Variants in LEKR1 observed in about 807,000 individuals in gnomAD.
LEKR1 encodes protein LEKR1.
A neutral mutation model predicts 72.4 loss-of-function variants in LEKR1; 59 were observed. The ratio of observed to expected loss-of-function variants is 0.82; its 90% CI spans 0.66 to 1.01. The LOEUF is 1.01. LEKR1 is among the 50% of genes least tolerant of loss of function. LEKR1 has a pLI of 0.00. For missense variants in LEKR1, 728 were observed against 759.2 expected (o/e 0.96, Z 0.48); for synonymous variants, 257 against 263.2 (o/e 0.98, Z 0.23).
chr3:156,999,854 A>G (rs111951925), intron 9 of LEKR1, among the ~76,000 whole-genome samples: 2 of 152,336 alleles, frequency 1.3e-5, no homozygotes, highest in African/African-American at 4.8e-5. Context: ...TGAGGACATT[A>G]ACGTTAATTT....
chr3:156,866,831 T>C lies in LEKR1; in HGVS notation c.263+13849T>C, dbSNP rs965392635. ...AAACTACTGGAAAAGAGAGACCGTA[T>C]TTTATATTTTTTGTATTCCCCTTCC... On this transcript the variant is annotated intron_variant, in intron 3 of 12. Transcript: ENST00000356539. Among the ~76,000 whole-genome samples the C allele has an allele frequency of 3.9e-5, 6 of 151,918 alleles. No individual in the cohort carries two copies. In the East Asian group the frequency reaches 1.2e-3, roughly 29 times the overall value.
intron 7 of LEKR1, among the ~76,000 whole-genome samples, chr3:156,990,442 G>T (rs1471264395): frequency 6.6e-6 from 1 of 152,112 alleles, no homozygotes; most frequent in African/African-American, 2.4e-5. Flanking sequence ...TAAATATACT[G>T]CTTTTCACCA....
chr3:156,914,452 T>C (rs142988041), intron 3 of LEKR1, among the ~76,000 whole-genome samples: 18 of 152,274 alleles, frequency 1.2e-4, no homozygotes, highest in African/African-American at 4.1e-4. Flanking sequence ...CTGAGATTGA[T>C]GGTTTCCAGC....
At chr3:157,024,628 C>A in intron 10 of LEKR1, 132 bp from the exon 11 acceptor site, 2 of 740,424 alleles carry the variant, frequency 2.7e-6, no homozygotes, top group Non-Finnish European at 2.1e-6. Flanking sequence ...TTTTTGAACA[C>A]TAGAATTTTT....
intron 7 of LEKR1, among the ~76,000 whole-genome samples, chr3:156,987,602 T>C (rs1311916314): frequency 6.6e-6 from 1 of 152,246 alleles, no homozygotes; most frequent in Non-Finnish European, 1.5e-5. Flanking sequence ...TTTGATATAT[T>C]CTTCTAGTCC....
intron 2 of LEKR1, among the ~76,000 whole-genome samples, chr3:156,850,092 G>A (rs1030978521): frequency 3.6e-4 from 55 of 151,992 alleles, no homozygotes; most frequent in African/African-American, 1.3e-3. Context: ...TCAAAAAGTG[G>A]GCGAAGGATA....
intron 6 of LEKR1, among the ~76,000 whole-genome samples, chr3:156,964,085 G>A (rs1255052765): frequency 6.6e-6 from 1 of 152,048 alleles, no homozygotes; most frequent in African/African-American, 2.4e-5. Context: ...TTTAGTATTA[G>A]GCTACTTTAA....
chr3:157,036,126 A>C (rs924189374), intron 12 of LEKR1, among the ~76,000 whole-genome samples: 6 of 152,226 alleles, frequency 3.9e-5, no homozygotes, highest in African/African-American at 1.4e-4. Context: ...CAGAAACAAT[A>C]AGCAAAAAAG....
At chr3:156,888,092 T>C (rs1274520323) in intron 3 of LEKR1, among the ~76,000 whole-genome samples, 4 of 152,172 alleles carry the variant, frequency 2.6e-5, no homozygotes, top group Non-Finnish European at 5.9e-5. Flanking sequence ...CCTTAGTTCA[T>C]GTAGCTTTTT....
At chr3:156,888,637 G>A (rs1478870239) in intron 3 of LEKR1, among the ~76,000 whole-genome samples, 1 of 152,136 alleles carries the variant, frequency 6.6e-6, no homozygotes, top group Non-Finnish European at 1.5e-5. Flanking sequence ...TTTTGCTTGT[G>A]TTTGTTTGTC....
chr3:156,931,460 A>G (rs914857182), intron 5 of LEKR1, among the ~76,000 whole-genome samples: 1 of 152,144 alleles, frequency 6.6e-6, no homozygotes, highest in Non-Finnish European at 1.5e-5. Context: ...CTAAATATAC[A>G]TCTATCCGAA....
intron 12 of LEKR1, among the ~76,000 whole-genome samples, chr3:157,042,296 C>T (rs1256462600): frequency 6.6e-6 from 1 of 152,182 alleles, no homozygotes; most frequent in Non-Finnish European, 1.5e-5. Flanking sequence ...AAGCTAATAA[C>T]CTTGAAGAAA....
chr3:156,906,031 G>T (rs1454845779), intron 3 of LEKR1, among the ~76,000 whole-genome samples: 1 of 152,098 alleles, frequency 6.6e-6, no homozygotes, highest in Non-Finnish European at 1.5e-5. Context: ...AAATCAGTTT[G>T]AGGGAAAGAC....
At chr3:157,043,646 A>T (rs1735534927) in intron 12 of LEKR1, among the ~76,000 whole-genome samples, 1 of 152,214 alleles carries the variant, frequency 6.6e-6, no homozygotes, top group Non-Finnish European at 1.5e-5. Flanking sequence ...CGTCAGATAT[A>T]ATTGTTGGGA....
chr3:156,904,752 C>T (rs1245766071), intron 3 of LEKR1, among the ~76,000 whole-genome samples: 3 of 151,788 alleles, frequency 2.0e-5, no homozygotes, highest in Non-Finnish European at 2.9e-5. Flanking sequence ...TCTTCCTTGT[C>T]CTCCCAAAGT....
chr3:156,874,454 A>C (rs937022572), intron 3 of LEKR1, among the ~76,000 whole-genome samples: 2 of 152,136 alleles, frequency 1.3e-5, no homozygotes, highest in Admixed American at 6.5e-5. Flanking sequence ...ATAAACTAGT[A>C]GTTCTCCTTA....
At chr3:157,008,151 A>G (rs905733362) in intron 9 of LEKR1, among the ~76,000 whole-genome samples, 8 of 152,206 alleles carry the variant, frequency 5.3e-5, no homozygotes, top group African/African-American at 1.9e-4. Flanking sequence ...TCACACGTTA[A>G]TAGATCTCCC....
chr3:157,028,505 C>A, intron 12 of LEKR1, 103 bp downstream of exon 12: 2 of 971,430 alleles, frequency 2.1e-6, no homozygotes, highest in African/African-American at 1.7e-5. Context: ...TGGAAAGAGT[C>A]CTGGAATGTT....
chr3:157,044,481 C>T (rs1735602355), intron 12 of LEKR1, among the ~76,000 whole-genome samples: 1 of 152,200 alleles, frequency 6.6e-6, no homozygotes, highest in Non-Finnish European at 1.5e-5. Context: ...CTTAAATTTG[C>T]TTCAGTACAT....
Sources: gnomAD v4.1 joint callset for allele counts (sites outside exome capture counted in the v4.1 genomes callset) on GRCh38, gnomAD v4.1.1 for gene constraint, MANE v1.5 for transcripts, NCBI Gene and HGNC (gene_info 2026-07-23, HGNC 2026-07-21) for gene names.